Variants in SNTB1 observed in about 807,000 individuals in gnomAD.
SNTB1 encodes syntrophin beta 1, also known as beta-1-syntrophin.
Under a neutral mutation model 48.9 loss-of-function variants are expected in SNTB1, and 36 were observed. The observed-to-expected ratio is 0.74, with a 90% CI of 0.56 to 0.97. The LOEUF (loss-of-function observed/expected upper bound fraction) is 0.97. Ranked by LOEUF, SNTB1 falls within the 50% of genes least tolerant of loss-of-function variation. The pLI, the probability that SNTB1 is intolerant of heterozygous loss-of-function variation, is 0.00. For synonymous variants in SNTB1, 299 were observed against 294.6 expected (o/e 1.01, Z -0.15); for missense variants, 786 against 703.4 (o/e 1.12, Z -1.33).
intron 1 of SNTB1, among the ~76,000 whole-genome samples, chr8:120,755,107 G>C (rs1424698750): frequency 6.6e-6 from 1 of 151,824 alleles, no homozygotes; most frequent in Admixed American, 6.6e-5. Context: ...CCTTGACACA[G>C]TGCGTAAATG....
intron 1 of SNTB1, among the ~76,000 whole-genome samples, chr8:120,773,987 C>T (rs60204412): frequency 0.039 from 5,913 of 152,212 alleles, 152 homozygotes; most frequent in South Asian, 0.077. Flanking sequence ...TGTTTAATTC[C>T]CTCAATAGTT....
intron 3 of SNTB1, among the ~76,000 whole-genome samples, chr8:120,581,535 C>T (rs1157415911): frequency 1.3e-5 from 2 of 151,404 alleles, no homozygotes; most frequent in African/African-American, 2.4e-5. Context: ...ACCTGGGAGG[C>T]GGAGGTTGCA....
At chr8:120,711,347 A>G (rs1302168854) in intron 1 of SNTB1, among the ~76,000 whole-genome samples, 1 of 151,912 alleles carries the variant, frequency 6.6e-6, no homozygotes, top group Non-Finnish European at 1.5e-5. Flanking sequence ...ATCTTTATAC[A>G]CTCTAAATTG....
intron 2 of SNTB1, among the ~76,000 whole-genome samples, chr8:120,664,480 A>T (rs1260303595): frequency 1.3e-5 from 2 of 152,190 alleles, no homozygotes; most frequent in Non-Finnish European, 1.5e-5. Flanking sequence ...TTCTCTCATT[A>T]TAAGATTAGT....
chr8:120,722,207 C>T (rs777140339), intron 1 of SNTB1, among the ~76,000 whole-genome samples: 23 of 152,168 alleles, frequency 1.5e-4, no homozygotes, highest in Non-Finnish European at 2.5e-4. Flanking sequence ...AATAAACATA[C>T]GTGCACATGT....
intron 2 of SNTB1, among the ~76,000 whole-genome samples, chr8:120,692,417 A>G (rs372071128): frequency 1.3e-5 from 2 of 152,024 alleles, no homozygotes; most frequent in African/African-American, 4.8e-5. Context: ...TAGCACTTTA[A>G]TGTGGATGCA....
At chr8:120,702,764 A>G (rs1307526326) in intron 1 of SNTB1, among the ~76,000 whole-genome samples, 3 of 152,192 alleles carry the variant, frequency 2.0e-5, no homozygotes, top group Non-Finnish European at 2.9e-5. Context: ...AAGTTGAATG[A>G]CTACTTTACA....
At chr8:120,711,277 A>G (rs1818459708) in intron 1 of SNTB1, among the ~76,000 whole-genome samples, 1 of 152,210 alleles carries the variant, frequency 6.6e-6, no homozygotes, top group African/African-American at 2.4e-5. Context: ...GTGGACTTGA[A>G]GTATTTCAAT....
chr8:120,661,633 G>A (rs1817590004), intron 2 of SNTB1, among the ~76,000 whole-genome samples: 1 of 152,236 alleles, frequency 6.6e-6, no homozygotes, highest in Admixed American at 6.5e-5. Flanking sequence ...GTGTCCTAAT[G>A]TTCTCCCTCC....
chr8:120,637,138 C>G (rs1288849626), intron 2 of SNTB1: 1 of 317,838 alleles, frequency 3.1e-6, no homozygotes, highest in Non-Finnish European at 6.3e-6. Context: ...TTAAAGTATT[C>G]CTGATTAGTC....
chr8:120,586,546 G>A (rs750594042), intron 3 of SNTB1, among the ~76,000 whole-genome samples: 1 of 152,038 alleles, frequency 6.6e-6, no homozygotes, highest in African/African-American at 2.4e-5. Context: ...TGACCCTCCT[G>A]CCTCCCTCTT....
At chr8:120,637,812 T>G (rs887475697) in intron 2 of SNTB1, 11 of 307,682 alleles carry the variant, frequency 3.6e-5, no homozygotes, top group African/African-American at 2.5e-4. Context: ...TGATTTCAAG[T>G]TGCTCTGTCT....
chr8:120,720,961 G>A (rs2129947898), intron 1 of SNTB1, among the ~76,000 whole-genome samples: 1 of 152,274 alleles, frequency 6.6e-6, no homozygotes, highest in Non-Finnish European at 1.5e-5. Flanking sequence ...ACTCAACTCA[G>A]GCATGAGAAG....
At chr8:120,648,571 C>A (rs1462320125) in intron 2 of SNTB1, among the ~76,000 whole-genome samples, 3 of 151,866 alleles carry the variant, frequency 2.0e-5, no homozygotes, top group Admixed American at 2.0e-4. Context: ...TGAGGGTAAC[C>A]CGACCTTTCT....
intron 1 of SNTB1, among the ~76,000 whole-genome samples, chr8:120,736,237 G>A (rs569881965): frequency 3.9e-5 from 6 of 152,250 alleles, no homozygotes; most frequent in South Asian, 4.1e-4. Context: ...CCCTTGACAC[G>A]TGGGGATTAT....
chr8:120,693,586 G>A (rs1007482299), intron 2 of SNTB1, 106 bp downstream of exon 2: 3 of 887,300 alleles, frequency 3.4e-6, no homozygotes, highest in Non-Finnish European at 3.6e-6. Context: ...TTCTTTGGAA[G>A]CCATGATGTG....
intron 2 of SNTB1, among the ~76,000 whole-genome samples, chr8:120,643,104 T>C (rs768479758): frequency 6.6e-6 from 1 of 152,194 alleles, no homozygotes; most frequent in Non-Finnish European, 1.5e-5. Context: ...CTCCCTCTTA[T>C]GGCCATTGGC....
intron 2 of SNTB1, among the ~76,000 whole-genome samples, chr8:120,657,954 C>G (rs1817527735): frequency 6.6e-6 from 1 of 152,172 alleles, no homozygotes; most frequent in Non-Finnish European, 1.5e-5. Context: ...ATTTTAGGTG[C>G]AGAGAATCAT....
intron 3 of SNTB1, among the ~76,000 whole-genome samples, chr8:120,595,811 G>A (rs1267808544): frequency 6.6e-6 from 1 of 152,082 alleles, no homozygotes; most frequent in Non-Finnish European, 1.5e-5. Context: ...TCGAACTCCC[G>A]ACCTCAGGTG....
Sources: allele counts gnomAD v4.1 joint callset (sites outside exome capture counted in the v4.1 genomes callset), GRCh38; gene constraint gnomAD v4.1.1; transcripts MANE v1.5; gene names NCBI Gene and HGNC (gene_info 2026-07-23, HGNC 2026-07-21).